The following IFT57 variants were observed in gnomAD, a reference collection of about 807,000 sequenced individuals.
IFT57 encodes intraflagellar transport protein 57 homolog.
In IFT57, 59 loss-of-function variants were observed where a neutral mutation model predicts 56.8. That is an observed-to-expected ratio of 1.04 (90% CI 0.84 to 1.29). IFT57 has a LOEUF of 1.29. Among genes scored for constraint, IFT57 ranks in the 50% most tolerant of loss-of-function variants. The pLI is 0.00. For synonymous variants in IFT57, 209 were observed against 186.1 expected (o/e 1.12, Z -1.00); for missense variants, 470 against 522.1 (o/e 0.90, Z 0.97).
At chr3:108,221,998 G>T in intron 1 of IFT57, 113 bp downstream of exon 1, 1 of 1,494,328 alleles carries the variant, frequency 6.7e-7, no homozygotes. Context: ...CTAGGAAGAC[G>T]GAGGCAAGGA....
At chr3:108,169,362 G>A (rs1289205935) in intron 6 of IFT57, among the ~76,000 whole-genome samples, 1 of 151,512 alleles carries the variant, frequency 6.6e-6, no homozygotes, top group African/African-American at 2.4e-5. Flanking sequence ...ATTTGTCTAA[G>A]TTCCTTTAGA....
intron 5 of IFT57, among the ~76,000 whole-genome samples, chr3:108,206,182 T>C (rs1038962879): frequency 6.8e-6 from 1 of 147,358 alleles, no homozygotes; most frequent in Non-Finnish European, 1.5e-5. Context: ...ATTTATTTCA[T>C]AATTAAAACA....
chr3:108,166,616 A>C (rs770568770), intron 8 of IFT57, among the ~76,000 whole-genome samples: 3 of 152,038 alleles, frequency 2.0e-5, no homozygotes, highest in Non-Finnish European at 4.4e-5. Context: ...ATATGCCTTC[A>C]TTTACTTAAA....
At chr3:108,186,321 CAAA>C (rs3053401) in intron 6 of IFT57, among the ~76,000 whole-genome samples, 13,441 of 140,076 alleles carry the variant, frequency 0.096, 661 homozygotes, top group Middle Eastern at 0.12. Flanking sequence ...GTGGCTATGC[CAAA>C]AAAAAAAAAA....
chr3:108,209,065 A>T (rs1301302776), intron 4 of IFT57, among the ~76,000 whole-genome samples: 2 of 152,224 alleles, frequency 1.3e-5, no homozygotes, highest in African/African-American at 4.8e-5. Flanking sequence ...AGGGGAATAC[A>T]GAATAGGTAG....
At chr3:108,192,637 GA>G (rs2080222628) in intron 5 of IFT57, among the ~76,000 whole-genome samples, 1 of 151,378 alleles carries the variant, frequency 6.6e-6, no homozygotes, top group Admixed American at 6.6e-5. Flanking sequence ...TAAATCTAAA[GA>G]AAAAATTAAA....
At chr3:108,216,257 C>T (rs1385675153) in intron 3 of IFT57, among the ~76,000 whole-genome samples, 3 of 152,108 alleles carry the variant, frequency 2.0e-5, no homozygotes, top group Non-Finnish European at 2.9e-5. Flanking sequence ...GAAATTCAAG[C>T]AACTCAATAG....
At position 108,213,993 on chromosome 3, in the gene IFT57, CT is replaced by C; in HGVS notation, c.522del (p.Glu175LysfsTer11). On this transcript the variant is annotated frameshift_variant, in exon 4 of 11. Transcript: ENST00000264538. LOFTEE classifies it high-confidence loss of function. ...GCATCATCTTCTGCAACGCTTTCTT[CT>C]TCTAATTCTTCTACTGGGTATATTG... ...KRPIYPVEEL[E>X]EESVAEDDAE... The C allele has an allele frequency of 1.2e-6, 2 of 1,602,938 alleles. No individual in the cohort carries two copies. Among genetic ancestry groups the C allele is most frequent in the Non-Finnish European group, 1.7e-6 (2 of 1,170,246 alleles).
intron 5 of IFT57, among the ~76,000 whole-genome samples, chr3:108,205,960 TA>T (rs1560122212): frequency 2.5e-5 from 2 of 81,200 alleles, no homozygotes; most frequent in Non-Finnish European, 4.9e-5. Flanking sequence ...AATATATAAA[TA>T]TATTATATAT....
intron 1 of IFT57, among the ~76,000 whole-genome samples, chr3:108,219,891 T>C (rs2080396180): frequency 6.6e-6 from 1 of 152,210 alleles, no homozygotes; most frequent in Non-Finnish European, 1.5e-5. Context: ...TCAGTAATAA[T>C]ATGTAAGTAC....
chr3:108,161,490 A>G lies in IFT57; in HGVS notation c.*987T>C, dbSNP rs536825175. On this transcript the variant is annotated 3_prime_UTR_variant, in exon 11 of 11. Transcript: ENST00000264538. ...TAAAATTATTTTTGTTGTCCTAAAC[A>G]TAAAGCATTCTTATCAAATTTTCTA... 3.9e-5 allele frequency: 6 copies of G among 152,194 alleles called. No individual in the cohort carries two copies. In the South Asian group the frequency reaches 1.2e-3, roughly 32 times the overall value. The allele number at this position is 152,194 out of a possible 1,614,324, so 9.4% of individuals were successfully genotyped here.
chr3:108,179,096 T>C (rs1232543631), intron 6 of IFT57, among the ~76,000 whole-genome samples: 1 of 151,938 alleles, frequency 6.6e-6, no homozygotes, highest in Non-Finnish European at 1.5e-5. Flanking sequence ...AGTGGAGAGC[T>C]AGAGGCTGTC....
At chr3:108,196,167 A>G (rs1576042155) in intron 5 of IFT57, among the ~76,000 whole-genome samples, 1 of 152,276 alleles carries the variant, frequency 6.6e-6, no homozygotes, top group South Asian at 2.1e-4. Flanking sequence ...ATATATAAAA[A>G]TAAGTTTGAT....
rs748593059 is a variant in IFT57 at position 108,222,216 on chromosome 3, G to A, written c.107C>T (p.Ala36Val). ...GEVVLERGPG[A>V]AYHMFVVMED... ...CATCACCACGAACATGTGGTAGGCC[G>A]CGCCGGGCCCCCGCTCCAAGACCAC... The change falls in exon 1 of 11, where the codon GCG (alanine) becomes GTG (valine). Residue 36 changes from alanine (A) to valine (V), a missense_variant. Transcript: ENST00000264538. 4 of 1,614,056 alleles carry A rather than the reference G, an allele frequency of 2.5e-6. No individual in the cohort carries two copies. In the South Asian group the frequency reaches 4.4e-5, roughly 18 times the overall value.
In IFT57 at chr3:108,162,336, A is replaced by G. The variant is rs2080038116; in HGVS notation, c.*141T>C. The G allele has an allele frequency of 7.3e-6, 4 of 549,126 alleles. No individual in the cohort carries two copies. Among genetic ancestry groups the G allele is most frequent in the Middle Eastern group, 3.3e-4 (1 of 3,034 alleles). 34.0% of individuals were successfully genotyped at this position (549,126 alleles called of 1,614,324 possible). On this transcript the variant is annotated 3_prime_UTR_variant, in exon 11 of 11. Coordinates refer to ENST00000264538, the MANE Select transcript of IFT57 (RefSeq NM_018010.4). Reference sequence around the variant, plus strand: ...CAGTGTAAAGGCTTTAACCATCATAATCACCATGATATAATATGTGAGTAT... The same window carrying G: ...CAGTGTAAAGGCTTTAACCATCATAGTCACCATGATATAATATGTGAGTAT...
At chr3:108,164,398 T>C (rs545618880) in intron 9 of IFT57, among the ~76,000 whole-genome samples, 4 of 152,156 alleles carry the variant, frequency 2.6e-5, no homozygotes, top group South Asian at 4.1e-4. Context: ...CTTTAAGAAA[T>C]TGAAAATTTT....
chr3:108,219,623 G>A (rs1373890516), intron 1 of IFT57, 51 bp from the exon 2 acceptor site: 1 of 1,562,194 alleles, frequency 6.4e-7, no homozygotes, highest in East Asian at 2.3e-5. Context: ...ATGCAAATAA[G>A]TCTATAATAA....
Position 108,163,679 on chromosome 3 carries a change from G to A in IFT57, c.1095C>T (p.Ser365=), listed in dbSNP as rs1344734500. ...KVKQEMEEKG[S]SMTDGAPLVK... is the part of the protein sequence containing the mutation. ...TGTACTTACCACCATCAGTCATGCT[G>A]CTGCCCTTTTCTTCCATTTCTTGTT... Residue 365 remains serine (S), a synonymous_variant, in exon 10 of 11, where the codon AGC becomes AGT. Coordinates refer to ENST00000264538, the MANE Select transcript of IFT57 (RefSeq NM_018010.4). The A allele has an allele frequency of 6.2e-7, 1 of 1,610,920 alleles. No homozygotes were observed. The highest frequency in any genetic ancestry group is 8.5e-7 in the Non-Finnish European group (1 of 1,177,914).
At position 108,217,682 on chromosome 3, in the gene IFT57, A is replaced by G. The variant is rs538277419; in HGVS notation, c.494+853T>C. Among the ~76,000 whole-genome samples the G allele has an allele frequency of 1.2e-3, 183 of 150,796 alleles. 1 individual carries two copies. The highest frequency in any genetic ancestry group is 3.4e-3 in the Middle Eastern group (1 of 294). On this transcript the variant is annotated intron_variant, in intron 3 of 10. Coordinates refer to ENST00000264538, the MANE Select transcript of IFT57 (RefSeq NM_018010.4). ...TATTAACAGGGAATAATATATATAT[A>G]TGTGTGTGTGTGTATATAATCTTTC...
Sources: gnomAD v4.1 joint callset for allele counts (sites outside exome capture counted in the v4.1 genomes callset) on GRCh38, gnomAD v4.1.1 for gene constraint, MANE v1.5 for transcripts, NCBI Gene and HGNC (gene_info 2026-07-23, HGNC 2026-07-21) for gene names.